MARCHF1: variants seen among roughly 807,000 people sequenced by gnomAD.
The protein encoded by MARCHF1 is membrane associated ring-CH-type finger 1.
In MARCHF1, 40 loss-of-function variants were observed where a neutral mutation model predicts 54.2. The observed-to-expected ratio is 0.74, with a 90% confidence interval of 0.57 to 0.96. The LOEUF is 0.96. Ranked by LOEUF, MARCHF1 falls within the 40% of genes least tolerant of loss-of-function variation. The pLI, the probability that MARCHF1 is intolerant of heterozygous loss-of-function variation, is 0.00. For missense variants in MARCHF1, 586 were observed against 656.5 expected (o/e 0.89, Z 1.17); for synonymous variants, 236 against 236.3 (o/e 1.00, Z 0.01).
chr4:163,574,015 T>G (rs2110769535), intron 8 of MARCHF1, among the ~76,000 whole-genome samples: 1 of 152,260 alleles, frequency 6.6e-6, no homozygotes, highest in African/African-American at 2.4e-5. Flanking sequence ...CTAACTGGTG[T>G]GAGATGATAT....
chr4:163,663,590 C>A (rs1215008291), intron 5 of MARCHF1, among the ~76,000 whole-genome samples: 1 of 152,006 alleles, frequency 6.6e-6, no homozygotes, highest in Admixed American at 6.6e-5. Context: ...ATGGGTTTTA[C>A]TGGCAAGGGA....
chr4:164,321,369 G>A (rs904778503), intron 1 of MARCHF1, among the ~76,000 whole-genome samples: 2 of 152,058 alleles, frequency 1.3e-5, no homozygotes, highest in Non-Finnish European at 2.9e-5. Context: ...GGATTCTGTT[G>A]AGACCTCCTA....
chr4:163,929,771 T>C (rs1751614736), intron 3 of MARCHF1, among the ~76,000 whole-genome samples: 1 of 150,754 alleles, frequency 6.6e-6, no homozygotes, highest in Admixed American at 6.7e-5. Context: ...CACATGACAT[T>C]TTTTGCAGGG....
At chr4:163,580,460 GA>G (rs1740192545) in intron 8 of MARCHF1, among the ~76,000 whole-genome samples, 1 of 152,132 alleles carries the variant, frequency 6.6e-6, no homozygotes, top group African/African-American at 2.4e-5. Context: ...ATTAAATGTT[GA>G]ATAAGGACTA....
chr4:163,544,554 G>A (rs1367399565), intron 9 of MARCHF1, among the ~76,000 whole-genome samples: 1 of 152,186 alleles, frequency 6.6e-6, no homozygotes, highest in African/African-American at 2.4e-5. Flanking sequence ...AATGCTCAGG[G>A]CGGTGCACGC....
At chr4:164,126,503 G>T (rs907878267) in intron 1 of MARCHF1, among the ~76,000 whole-genome samples, 1 of 152,162 alleles carries the variant, frequency 6.6e-6, no homozygotes, top group African/African-American at 2.4e-5. Flanking sequence ...GTATGGAGAA[G>T]TGGCGGTGCT....
chr4:164,094,157 G>C (rs539184833), intron 2 of MARCHF1, among the ~76,000 whole-genome samples: 124 of 152,176 alleles, frequency 8.1e-4, no homozygotes, highest in African/African-American at 2.7e-3. Flanking sequence ...GAAGTGGATG[G>C]ACGTGCCAGC....
At chr4:164,070,883 G>C (rs909128823) in intron 2 of MARCHF1, among the ~76,000 whole-genome samples, 1 of 152,072 alleles carries the variant, frequency 6.6e-6, no homozygotes, top group African/African-American at 2.4e-5. Context: ...GTTGTGGGAG[G>C]GACCCTGGGA....
intron 7 of MARCHF1, among the ~76,000 whole-genome samples, chr4:163,599,269 G>A (rs1409563507): frequency 6.9e-6 from 1 of 145,800 alleles, no homozygotes; most frequent in Non-Finnish European, 1.5e-5. Flanking sequence ...CAGCCTGGGC[G>A]ACAGAGTGAG....
At chr4:164,148,488 C>G (rs754734804) in intron 1 of MARCHF1, among the ~76,000 whole-genome samples, 9 of 151,738 alleles carry the variant, frequency 5.9e-5, no homozygotes, top group Non-Finnish European at 1.2e-4. Context: ...TATCCTTTTC[C>G]TAATTTCTTT....
At chr4:163,699,549 C>G (rs1019283618) in intron 5 of MARCHF1, among the ~76,000 whole-genome samples, 3 of 152,146 alleles carry the variant, frequency 2.0e-5, no homozygotes, top group African/African-American at 7.2e-5. Context: ...AAAACAAAAA[C>G]GTCTCTAAAT....
At chr4:164,301,912 AG>A (rs1035941192) in intron 1 of MARCHF1, among the ~76,000 whole-genome samples, 5 of 152,186 alleles carry the variant, frequency 3.3e-5, no homozygotes, top group African/African-American at 1.2e-4. Flanking sequence ...GAAGGGGGAA[AG>A]ACATAGGGTG....
chr4:164,296,001 GA>G (rs1173107234), intron 1 of MARCHF1, among the ~76,000 whole-genome samples: 1 of 152,174 alleles, frequency 6.6e-6, no homozygotes, highest in East Asian at 1.9e-4. Context: ...TTAAAGAAGA[GA>G]AATTTGTCTG....
intron 3 of MARCHF1, among the ~76,000 whole-genome samples, chr4:163,959,468 C>T (rs1752300995): frequency 6.6e-6 from 1 of 151,758 alleles, no homozygotes; most frequent in African/African-American, 2.4e-5. Context: ...AAAACAAGCA[C>T]ATAGACCAAT....
chr4:163,757,662 T>G lies in MARCHF1; in HGVS notation c.112-56799A>C, dbSNP rs374513233. Among the ~76,000 whole-genome samples the G allele has an allele frequency of 5.9e-5, 9 of 152,158 alleles. No homozygotes were observed. In the East Asian group the frequency reaches 1.7e-3, roughly 29 times the overall value. Reference sequence around the variant, plus strand: ...TAGAAACACCATAGAAACACAAAACTAGTCCAATCTTGCCTTCATAGCTTG... The same window carrying G: ...TAGAAACACCATAGAAACACAAAACGAGTCCAATCTTGCCTTCATAGCTTG... On this transcript the variant is annotated intron_variant, in intron 4 of 9. Transcript: ENST00000514618.
Position 164,107,171 on chromosome 4 carries a change from T to C in MARCHF1, c.-248+4417A>G, listed in dbSNP as rs936019832. On this transcript the variant is annotated intron_variant, in intron 2 of 9. Coordinates refer to ENST00000514618, the MANE Select transcript of MARCHF1 (RefSeq NM_001394959.1). Reference sequence around the variant, plus strand: ...ACGTTTTATTTTGATAAAAAAATTATCTAATTTTGTACTTCCCTAGTTAGT... The same window carrying C: ...ACGTTTTATTTTGATAAAAAAATTACCTAATTTTGTACTTCCCTAGTTAGT... 9.2e-5 allele frequency among the ~76,000 whole-genome samples: 14 copies of C among 152,166 alleles called. 1 individual carries two copies. The highest frequency in any genetic ancestry group is 3.4e-4 in the African/African-American group (14 of 41,442).
intron 4 of MARCHF1, among the ~76,000 whole-genome samples, chr4:163,771,710 G>C (rs565433171): frequency 6.6e-6 from 1 of 152,150 alleles, no homozygotes; most frequent in Non-Finnish European, 1.5e-5. Flanking sequence ...TCATGCAAGA[G>C]CTTATTAAAA....
At chr4:164,189,325 G>A in intron 1 of MARCHF1, 1 of 606,104 alleles carries the variant, frequency 1.6e-6, no homozygotes, top group South Asian at 2.1e-5. Flanking sequence ...TGAAGGAGAA[G>A]ACTTTTCTGA....
intron 1 of MARCHF1, among the ~76,000 whole-genome samples, chr4:164,221,996 T>C (rs572795487): frequency 9.5e-4 from 138 of 144,668 alleles, no homozygotes; most frequent in African/African-American, 3.2e-3. Context: ...GAAGAAAAAA[T>C]TGGACCTGGT....
Sources: allele counts gnomAD v4.1 joint callset (sites outside exome capture counted in the v4.1 genomes callset), GRCh38; gene constraint gnomAD v4.1.1; transcripts MANE v1.5; gene names NCBI Gene and HGNC (gene_info 2026-07-23, HGNC 2026-07-21).